PTK7: variants seen among roughly 807,000 people sequenced by gnomAD.
PTK7 encodes the protein protein tyrosine kinase 7 (inactive).
PTK7 carries 39 observed loss-of-function variants against 116.6 expected under a neutral mutation model. The observed-to-expected ratio is 0.33, with a 90% CI of 0.26 to 0.44. The LOEUF (loss-of-function observed/expected upper bound fraction) is 0.44, where lower values mean the gene tolerates loss of function less well. PTK7 is among the 20% of genes least tolerant of loss of function. The probability of loss-of-function intolerance (pLI) is 1.00; values close to 1 mark genes in which losing one functional copy is unlikely to be tolerated. For synonymous variants in PTK7, 546 were observed against 563.6 expected (o/e 0.97, Z 0.44); for missense variants, 1,169 against 1,425.6 (o/e 0.82, Z 2.90).
At chr6:43,153,722 A>G (rs1771261507) in intron 17 of PTK7, among the ~76,000 whole-genome samples, 1 of 152,072 alleles carries the variant, frequency 6.6e-6, no homozygotes. Context: ...ACAGAATTGA[A>G]TTTTAAATGT....
intron 1 of PTK7, among the ~76,000 whole-genome samples, chr6:43,083,720 GTA>G (rs1424567953): frequency 1.3e-5 from 2 of 152,162 alleles, no homozygotes; most frequent in Non-Finnish European, 1.5e-5. Flanking sequence ...ATTAACTGGG[GTA>G]TGTGTTGAGT....
intron 6 of PTK7, 108 bp from the exon 7 acceptor site, chr6:43,132,313 G>A: frequency 8.7e-6 from 13 of 1,495,736 alleles, no homozygotes; most frequent in Middle Eastern, 1.8e-4. Flanking sequence ...GCAGAGGGCT[G>A]CAGGGGAGGG....
chr6:43,159,119 T>C, intron 18 of PTK7, 151 bp downstream of exon 18: 1 of 1,040,470 alleles, frequency 9.6e-7, no homozygotes, highest in Non-Finnish European at 1.4e-6. Context: ...TTCTCATCCT[T>C]TTTCCAAGGG....
chr6:43,082,773 A>G (rs896046813), intron 1 of PTK7, among the ~76,000 whole-genome samples: 6 of 152,258 alleles, frequency 3.9e-5, no homozygotes, highest in Non-Finnish European at 7.3e-5. Context: ...GAAGTCTGCA[A>G]TATTCAGCCT....
intron 17 of PTK7, 44 bp from the exon 18 acceptor site, chr6:43,158,773 T>C (rs2150484598): frequency 6.3e-7 from 1 of 1,593,948 alleles, no homozygotes; most frequent in South Asian, 1.1e-5. Flanking sequence ...GTCATCTTGA[T>C]GCCTATTCCT....
At chr6:43,154,063 T>C (rs777583690) in intron 17 of PTK7, among the ~76,000 whole-genome samples, 1 of 152,060 alleles carries the variant, frequency 6.6e-6, no homozygotes, top group Non-Finnish European at 1.5e-5. Context: ...CATAGAAGGC[T>C]GATACAGGAG....
intron 7 of PTK7, among the ~76,000 whole-genome samples, chr6:43,137,606 C>T (rs1433387082): frequency 2.6e-5 from 4 of 152,276 alleles, no homozygotes; most frequent in Admixed American, 2.6e-4. Context: ...ACCAACCATT[C>T]ATGTTGTATT....
In PTK7 at chr6:43,159,980, CT is replaced by C; in HGVS notation, c.3052+15del. On this transcript the variant is annotated intron_variant, in intron 19 of 19. Coordinates refer to ENST00000230419, the MANE Select transcript of PTK7 (RefSeq NM_002821.5). ...AAGTACTGGCAGGTAGGCAGCCTTGCTGCTAGGGGATGATTCCAGATGGGCC... is the reference window on the plus strand; with the variant it reads ...AAGTACTGGCAGGTAGGCAGCCTTGCGCTAGGGGATGATTCCAGATGGGCC... 1 of 1,608,984 alleles carries C rather than the reference CT, an allele frequency of 6.2e-7. No individual in the cohort carries two copies. The highest frequency in any genetic ancestry group is 8.5e-7 in the Non-Finnish European group (1 of 1,176,990).
chr6:43,129,283 G>C lies in PTK7; in HGVS notation c.367+19G>C. The stretch of plus-strand genomic sequence containing the variant: ...ATCAAATGTGAGAGCCAGGGGGGCT[G>C]TGCCCAGTCCCCCTGTCAGACCCTC... On this transcript the variant is annotated intron_variant, in intron 2 of 19. Transcript: ENST00000230419. The surrounding 1 kb of genome is among the most constrained non-coding windows in gnomAD (Gnocchi z 4.5). 1 of 1,613,650 alleles carries C rather than the reference G, an allele frequency of 6.2e-7. No homozygotes were observed. The highest frequency in any genetic ancestry group is 8.5e-7 in the Non-Finnish European group (1 of 1,179,892).
chr6:43,089,370 G>C (rs1380165038), intron 1 of PTK7, among the ~76,000 whole-genome samples: 2 of 152,152 alleles, frequency 1.3e-5, no homozygotes, highest in Non-Finnish European at 2.9e-5. Context: ...AAGCTGGGCT[G>C]TTTCCCACCT....
Position 43,132,078 on chromosome 6 carries a change from G to A in PTK7, c.875G>A (p.Arg292Gln), listed in dbSNP as rs1471507459. 3.7e-6 allele frequency: 6 copies of A among 1,614,068 alleles called. No homozygotes were observed. The highest frequency in any genetic ancestry group is 1.1e-5 in the South Asian group (1 of 91,078). ...GGGTCTCTGCTGCTGACCCAGGTCC[G>A]GCCACGCAATGCAGGGATCTACCGC... ...ANGSLLLTQV[R>Q]PRNAGIYRCI... The change falls in exon 6 of 20, where the codon CGG becomes CAG. Residue 292 changes from arginine to glutamine, a missense_variant. This residue lies in a region of PTK7 where 487 missense variants were observed against 549.8 expected (regional missense o/e 0.89). Transcript: ENST00000230419.
chr6:43,151,984 A>G (rs1771136365), intron 17 of PTK7, among the ~76,000 whole-genome samples: 1 of 151,906 alleles, frequency 6.6e-6, no homozygotes, highest in South Asian at 2.1e-4. Context: ...AGCTGGGACT[A>G]CAGGCACCCA....
intron 1 of PTK7, among the ~76,000 whole-genome samples, chr6:43,116,669 C>T (rs956158573): frequency 1.6e-4 from 23 of 146,720 alleles, no homozygotes; most frequent in Non-Finnish European, 2.5e-4. Context: ...CACGCACGCA[C>T]GCATATGGAT....
intron 16 of PTK7, among the ~76,000 whole-genome samples, chr6:43,146,361 C>T (rs1770725719): frequency 6.6e-6 from 1 of 152,118 alleles, no homozygotes; most frequent in Non-Finnish European, 1.5e-5. Context: ...TGTTGCCCCA[C>T]CTGTCTGGAG....
At chr6:43,140,201 C>T (rs1770311843) in intron 10 of PTK7, among the ~76,000 whole-genome samples, 1 of 152,180 alleles carries the variant, frequency 6.6e-6, no homozygotes. Context: ...GTAATCCCAG[C>T]ACTGTGGGAA....
At chr6:43,107,447 A>G (rs1316029642) in intron 1 of PTK7, among the ~76,000 whole-genome samples, 1 of 152,332 alleles carries the variant, frequency 6.6e-6, no homozygotes, top group East Asian at 1.9e-4. Context: ...TATCTGCATA[A>G]TGGGGATCAT....
At chr6:43,156,970 A>G (rs1304914486) in intron 17 of PTK7, among the ~76,000 whole-genome samples, 2 of 151,942 alleles carry the variant, frequency 1.3e-5, no homozygotes, top group African/African-American at 4.8e-5. Context: ...AAAAGAGTAT[A>G]CATTTTGTGT....
At chr6:43,083,946 A>C (rs1766514481) in intron 1 of PTK7, among the ~76,000 whole-genome samples, 1 of 152,186 alleles carries the variant, frequency 6.6e-6, no homozygotes, top group Non-Finnish European at 1.5e-5. Context: ...TGGAGAGTAT[A>C]GGGCAGGTCA....
At chr6:43,140,171 G>A (rs184101687) in intron 10 of PTK7, among the ~76,000 whole-genome samples, 82 of 152,216 alleles carry the variant, frequency 5.4e-4, no homozygotes, top group Non-Finnish European at 1.0e-3. Flanking sequence ...GGAAGAGGCC[G>A]GGCGTGGTGG....
Sources: allele counts gnomAD v4.1 joint callset (sites outside exome capture counted in the v4.1 genomes callset), GRCh38; gene constraint gnomAD v4.1.1; regional missense constraint gnomAD v4.1.1; non-coding constraint Gnocchi (gnomAD v3.1); transcripts MANE v1.5; gene names NCBI Gene and HGNC (gene_info 2026-07-23, HGNC 2026-07-21).